The following ALDH6A1 variants were observed in gnomAD, a reference collection of about 807,000 sequenced individuals.
ALDH6A1 encodes methylmalonate-semialdehyde/malonate-semialdehyde dehydrogenase [acylating], mitochondrial.
A neutral mutation model predicts 62.6 loss-of-function variants in ALDH6A1; 43 were observed. That is an observed-to-expected ratio of 0.69 (90% confidence interval 0.54 to 0.89). ALDH6A1 has a LOEUF of 0.89. ALDH6A1 is among the 40% of genes least tolerant of loss of function. ALDH6A1 has a pLI of 0.00. For missense variants in ALDH6A1, 551 were observed against 661.3 expected (o/e 0.83, Z 1.83); for synonymous variants, 194 against 234.2 (o/e 0.83, Z 1.57).
At position 74,057,344 on chromosome 14, in the gene ALDH6A1, T is replaced by C; in HGVS notation, c.*3298A>G. 1 of 1,589,318 alleles carries C rather than the reference T, an allele frequency of 6.3e-7. No individual in the cohort carries two copies. ...CTTGCTAAATCACGGTTATTTTCTC[T>C]ACTAGTTGAGAGACTTCAGGGATCA... On this transcript the variant is annotated 3_prime_UTR_variant, in exon 12 of 12. Coordinates refer to ENST00000553458, the MANE Select transcript of ALDH6A1 (RefSeq NM_005589.4).
rs1452882941 is a variant in ALDH6A1 at position 74,065,197 on chromosome 14, AAGTGGGCATATTTCCGAGC to A, written c.1369_1387del (p.Ala457TrpfsTer9). 1 of 1,614,136 alleles carries A rather than the reference AAGTGGGCATATTTCCGAGC, an allele frequency of 6.2e-7. No individual in the cohort carries two copies. Among genetic ancestry groups the A allele is most frequent in the South Asian group, 1.1e-5 (1 of 91,086 alleles). On this transcript the variant is annotated frameshift_variant, in exon 10 of 12. Transcript: ENST00000553458. LOFTEE classifies it high-confidence loss of function. ...TTCACGAACCTGTCCAACATCCACCAAGTGGGCATATTTCCGAGCAGTGGCTCCATTGGTGGTGAAGATG... is the reference window on the plus strand; with the variant it reads ...TTCACGAACCTGTCCAACATCCACCAAGTGGCTCCATTGGTGGTGAAGATG...
intron 11 of ALDH6A1, among the ~76,000 whole-genome samples, chr14:74,063,460 C>A (rs2060391874): frequency 6.6e-6 from 1 of 152,002 alleles, no homozygotes; most frequent in Non-Finnish European, 1.5e-5. Flanking sequence ...GCTGGGATTA[C>A]AGGCGTAAGC....
chr14:74,082,393 G>GTTTTTTTTT (rs869211328), intron 1 of ALDH6A1, among the ~76,000 whole-genome samples: 2 of 77,568 alleles, frequency 2.6e-5, no homozygotes, highest in African/African-American at 5.2e-5. Flanking sequence ...CAAAATCGAG[G>GTTTTTTTTT]TTTTTTTTTT....
At chr14:74,063,132 T>A (rs576008317) in intron 11 of ALDH6A1, among the ~76,000 whole-genome samples, 4 of 152,142 alleles carry the variant, frequency 2.6e-5, no homozygotes, top group Non-Finnish European at 4.4e-5. Flanking sequence ...GTGCCATGCT[T>A]CTTCCTGCCT....
intron 2 of ALDH6A1, among the ~76,000 whole-genome samples, chr14:74,074,541 T>C (rs2060590853): frequency 1.3e-5 from 2 of 152,096 alleles, no homozygotes; most frequent in Admixed American, 6.6e-5. Context: ...TGCCTCAGCC[T>C]CCCAAAGTGC....
chr14:74,073,967 G>GAAAAAAAAA (rs2060582440), intron 2 of ALDH6A1, among the ~76,000 whole-genome samples: 1 of 144,488 alleles, frequency 6.9e-6, no homozygotes. Flanking sequence ...ATTTTTTTCT[G>GAAAAAAAAA]AGATATAGCT....
intron 1 of ALDH6A1, among the ~76,000 whole-genome samples, chr14:74,080,287 G>A (rs957464464): frequency 3.3e-5 from 5 of 151,384 alleles, no homozygotes; most frequent in Admixed American, 1.3e-4. Flanking sequence ...CATTATCCCA[G>A]TCTATACCAT....
chr14:74,064,761 C>G, intron 11 of ALDH6A1, 61 bp downstream of exon 11: 2 of 1,610,884 alleles, frequency 1.2e-6, no homozygotes, highest in Non-Finnish European at 1.7e-6. Flanking sequence ...AATCCTTGCT[C>G]CTGAATATCT....
intron 11 of ALDH6A1, among the ~76,000 whole-genome samples, 176 bp from the exon 12 acceptor site, chr14:74,060,922 C>T (rs1316030557): frequency 6.6e-6 from 1 of 151,918 alleles, no homozygotes; most frequent in Non-Finnish European, 1.5e-5. Flanking sequence ...TAACATAATA[C>T]CTGGCAGATA....
rs769194962 is a variant in ALDH6A1 at position 74,069,001 on chromosome 14, G to T, written c.731-20C>A. 1 of 1,609,856 alleles carries T rather than the reference G, an allele frequency of 6.2e-7. No homozygotes were observed. The highest frequency in any genetic ancestry group is 1.3e-5 in the African/African-American group (1 of 74,618). On this transcript the variant is annotated intron_variant, in intron 6 of 11. Transcript: ENST00000553458. The stretch of plus-strand genomic sequence containing the variant: ...TTACAGCTTTAAGAAGAAAATAAAT[G>T]ATCACTCACAAAGGAGCAAATGGAT...
intron 2 of ALDH6A1, among the ~76,000 whole-genome samples, chr14:74,074,566 T>C (rs1051595105): frequency 6.6e-6 from 1 of 152,174 alleles, no homozygotes; most frequent in Non-Finnish European, 1.5e-5. Context: ...ACACTAAATT[T>C]TTAAAGCGGT....
chr14:74,057,089 CA>C lies in ALDH6A1; in HGVS notation c.*3552del. The C allele has an allele frequency of 6.3e-7, 1 of 1,597,768 alleles. No homozygotes were observed. The highest frequency in any genetic ancestry group is 8.5e-7 in the Non-Finnish European group (1 of 1,169,910). ...ATATGACAAGTCTGTTATTCTAAACCAGGTTTCATGTGTGTAGAGTTGTTGA... is the reference window on the plus strand; with the variant it reads ...ATATGACAAGTCTGTTATTCTAAACCGGTTTCATGTGTGTAGAGTTGTTGA... On this transcript the variant is annotated 3_prime_UTR_variant, in exon 12 of 12. Transcript: ENST00000553458.
chr14:74,084,302 A>T (rs2060700624), intron 1 of ALDH6A1, 45 bp downstream of exon 1: 5 of 1,613,288 alleles, frequency 3.1e-6, no homozygotes, highest in Non-Finnish European at 4.2e-6. Flanking sequence ...GACGGAAAGG[A>T]TCCAATTCCT....
chr14:74,059,313 T>C lies in ALDH6A1; in HGVS notation c.*1329A>G, dbSNP rs1215194997. ...GCAAGTAATAGCAGGTTAGATTTGC[T>C]TAAGGCAGGTGTCTTACCCATTTTC... is the stretch of plus-strand genomic sequence containing the variant. On this transcript the variant is annotated 3_prime_UTR_variant, in exon 12 of 12. Transcript: ENST00000553458. 2.2e-6 allele frequency: 1 copy of C among 452,632 alleles called. No individual in the cohort carries two copies. The highest frequency in any genetic ancestry group is 4.4e-6 in the Non-Finnish European group (1 of 225,280). 28.0% of individuals were successfully genotyped at this position (452,632 alleles called of 1,614,324 possible). A position where few individuals can be genotyped will look rare whatever the true frequency, so the allele number is the denominator to read the frequency against.
intron 1 of ALDH6A1, among the ~76,000 whole-genome samples, chr14:74,077,554 G>C (rs1196239491): frequency 6.6e-6 from 1 of 152,062 alleles, no homozygotes; most frequent in Non-Finnish European, 1.5e-5. Flanking sequence ...CAAAACTGGG[G>C]GGGTATCCTG....
chr14:74,067,423 CAG>C lies in ALDH6A1; in HGVS notation c.997_998del (p.Leu333AlafsTer21), dbSNP rs765753727. 1.9e-6 allele frequency: 3 copies of C among 1,613,908 alleles called. No homozygotes were observed. The highest frequency in any genetic ancestry group is 2.5e-6 in the Non-Finnish European group (3 of 1,180,050). On this transcript the variant is annotated frameshift_variant, in exon 8 of 12. Transcript: ENST00000553458. LOFTEE classifies it high-confidence loss of function. ...AVLVGEAKKW[L>X]PELVEHAKNL... ...TTTTGGCATGCTCCACCAGCTCTGGCAGCCACTTCTTGGCTTCTCCCACAAGG... is the reference window on the plus strand; with the variant it reads ...TTTTGGCATGCTCCACCAGCTCTGGCCCACTTCTTGGCTTCTCCCACAAGG...
intron 2 of ALDH6A1, 125 bp downstream of exon 2, chr14:74,074,829 CA>C (rs35088860): frequency 1.0e-6 from 1 of 981,692 alleles, no homozygotes. Context: ...GGAAATAATC[CA>C]AAAGGAGGAA....
chr14:74,080,420 T>G (rs1275760201), intron 1 of ALDH6A1, among the ~76,000 whole-genome samples: 1 of 144,138 alleles, frequency 6.9e-6, no homozygotes, highest in Non-Finnish European at 1.5e-5. Flanking sequence ...CAGGCTAGAG[T>G]GCAGTGGCAC....
intron 1 of ALDH6A1, among the ~76,000 whole-genome samples, chr14:74,076,401 G>A (rs189072733): frequency 1.3e-5 from 2 of 152,110 alleles, no homozygotes; most frequent in Admixed American, 6.5e-5. Context: ...TCACTCTGTC[G>A]CCCAGGCTGG....
Sources: gnomAD v4.1 joint callset for allele counts (sites outside exome capture counted in the v4.1 genomes callset) on GRCh38, gnomAD v4.1.1 for gene constraint, MANE v1.5 for transcripts, NCBI Gene and HGNC (gene_info 2026-07-23, HGNC 2026-07-21) for gene names.